TLE7: variants seen among roughly 807,000 people sequenced by gnomAD.
TLE7 encodes TLE family member 7, also known as transducin-like enhancer protein 7.
intron 1 of TLE7, among the ~76,000 whole-genome samples, chr16:71,437,345 T>G (rs1420757728): frequency 1.9e-5 from 2 of 104,296 alleles, no homozygotes; most frequent in African/African-American, 4.3e-5. Flanking sequence ...TGAGACTCTG[T>G]CTCAGAAAAA....
chr16:71,434,627 C>T (rs2042819328), intron 1 of TLE7, among the ~76,000 whole-genome samples: 1 of 152,158 alleles, frequency 6.6e-6, no homozygotes, highest in South Asian at 2.1e-4. Flanking sequence ...GAACTAAATG[C>T]TTTACATAGC....
chr16:71,438,627 A>T (rs1237304413), intron 1 of TLE7, among the ~76,000 whole-genome samples: 1 of 143,594 alleles, frequency 7.0e-6, no homozygotes, highest in Non-Finnish European at 1.5e-5. Context: ...GGTTGCCGTG[A>T]GCCAAGATCG....
In TLE7 at chr16:71,431,671, C is replaced by T. The variant is rs2042804240; in HGVS notation, c.851+90G>A. On this transcript the variant is annotated intron_variant, in intron 6 of 9. Coordinates refer to ENST00000561754, the MANE Select transcript of TLE7 (RefSeq NM_001367365.2). This position sits in a 1 kb window ranked among gnomAD's most constrained non-coding sequence, Gnocchi z 4.5. ...ACCCCAGATATATCTTCTACACTGACTCGCCCAGCCCTAATGCAAAGAGGG... is the reference window on the plus strand; with the variant it reads ...ACCCCAGATATATCTTCTACACTGATTCGCCCAGCCCTAATGCAAAGAGGG... The T allele has an allele frequency of 5.0e-6, 2 of 400,350 alleles. No individual in the cohort carries two copies. Among genetic ancestry groups the T allele is most frequent in the Admixed American group, 8.8e-5 (2 of 22,740 alleles). The allele number at this position is 400,350 out of a possible 1,614,324, so 24.8% of individuals were successfully genotyped here.
chr16:71,439,183 G>T (rs543534437), intron 1 of TLE7, among the ~76,000 whole-genome samples: 1 of 152,194 alleles, frequency 6.6e-6, no homozygotes, highest in Non-Finnish European at 1.5e-5. Context: ...AGTGGAAAGT[G>T]ACATGGTGGA....
At chr16:71,439,438 GA>G (rs1306771147) in intron 1 of TLE7, among the ~76,000 whole-genome samples, 1 of 152,150 alleles carries the variant, frequency 6.6e-6, no homozygotes, top group African/African-American at 2.4e-5. Context: ...TGGAGGCAGG[GA>G]GGGCAGGAAT....
Position 71,431,680 on chromosome 16 carries a change from C to G in TLE7, c.851+81G>C, listed in dbSNP as rs147574351. The stretch of plus-strand genomic sequence containing the variant: ...ATATCTTCTACACTGACTCGCCCAG[C>G]CCTAATGCAAAGAGGGGAAAGAGCC... On this transcript the variant is annotated intron_variant, in intron 6 of 9. Transcript: ENST00000561754. The surrounding 1 kb of genome is among the most constrained non-coding windows in gnomAD (Gnocchi z 4.5). 2.6e-4 allele frequency: 103 copies of G among 400,426 alleles called. No individual in the cohort carries two copies. Among genetic ancestry groups the G allele is most frequent in the African/African-American group, 2.0e-3 (99 of 48,776 alleles). The allele number at this position is 400,426 out of a possible 1,614,324, so 24.8% of individuals were successfully genotyped here. A position where few individuals can be genotyped will look rare whatever the true frequency, so the allele number is the denominator to read the frequency against.
intron 1 of TLE7, among the ~76,000 whole-genome samples, chr16:71,441,255 T>C (rs894393783): frequency 1.3e-5 from 2 of 152,230 alleles, no homozygotes; most frequent in African/African-American, 2.4e-5. Context: ...TTCACTTTTT[T>C]TTGTTGTTGG....
intron 1 of TLE7, among the ~76,000 whole-genome samples, chr16:71,433,934 G>C (rs899226157): frequency 6.6e-6 from 1 of 152,156 alleles, no homozygotes; most frequent in Non-Finnish European, 1.5e-5. Flanking sequence ...CTCCAGCCTG[G>C]TCAACAAAGC....
chr16:71,438,205 G>A (rs1366628954), intron 1 of TLE7, among the ~76,000 whole-genome samples: 1 of 152,094 alleles, frequency 6.6e-6, no homozygotes, highest in Non-Finnish European at 1.5e-5. Context: ...GGCCGAGGCG[G>A]GTGGATCACC....
chr16:71,433,387 AAC>A lies in TLE7; in HGVS notation c.-65_-64del. The A allele has an allele frequency of 2.5e-6, 1 of 398,490 alleles. No individual in the cohort carries two copies. The highest frequency in any genetic ancestry group is 4.4e-6 in the Non-Finnish European group (1 of 226,086). The allele number at this position is 398,490 out of a possible 1,614,324, so 24.7% of individuals were successfully genotyped here. ...TAGGACTTGACAAATAGACCCGCCA[AAC>A]AGACACCAGGTTCCCAGTGTGTCCT... On this transcript the variant is annotated 5_prime_UTR_variant, in exon 2 of 10. Transcript: ENST00000561754.
chr16:71,439,274 G>C (rs552145476), intron 1 of TLE7, among the ~76,000 whole-genome samples: 3 of 152,216 alleles, frequency 2.0e-5, no homozygotes, highest in African/African-American at 4.8e-5. Context: ...TAGGGAGTAC[G>C]TAAGGTCAGA....
At chr16:71,440,379 G>A (rs2042842422) in intron 1 of TLE7, among the ~76,000 whole-genome samples, 1 of 152,212 alleles carries the variant, frequency 6.6e-6, no homozygotes, top group Admixed American at 6.5e-5. Context: ...TCGGGAGGCT[G>A]AGGCAGGAGA....
intron 1 of TLE7, among the ~76,000 whole-genome samples, chr16:71,435,547 A>G (rs59375954): frequency 0.058 from 8,904 of 152,312 alleles, 858 homozygotes; most frequent in African/African-American, 0.2. Context: ...CTTTTATGTA[A>G]AAGAAAAATG....
At chr16:71,436,013 A>C (rs2042824717) in intron 1 of TLE7, among the ~76,000 whole-genome samples, 1 of 152,188 alleles carries the variant, frequency 6.6e-6, no homozygotes, top group Admixed American at 6.5e-5. Flanking sequence ...AGCAGGAGGA[A>C]GAGTCAGTAT....
Position 71,433,215 on chromosome 16 carries a change from G to A in TLE7, c.110C>T (p.Pro37Leu), listed in dbSNP as rs1302557430. 1 of 398,630 alleles carries A rather than the reference G, an allele frequency of 2.5e-6. No individual in the cohort carries two copies. The highest frequency in any genetic ancestry group is 2.1e-5 in the African/African-American group (1 of 48,640). The allele number at this position is 398,630 out of a possible 1,614,324, so 24.7% of individuals were successfully genotyped here. The change falls in exon 2 of 10, where the codon CCA becomes CTA. Residue 37 changes from proline to leucine, a missense_variant. Pro to Leu is a moderately conservative substitution (Grantham distance 98). Transcript: ENST00000561754. ...ACTGCCCAGTTGCTGCTGCACTTGT[G>A]GCTCAGGCTGAGAGGAAACGCCAGA... ...ESSGVSSQPE[P>L]QVQQQLGSLL... is the part of the protein sequence containing the mutation.
At chr16:71,436,397 G>A (rs1182429328) in intron 1 of TLE7, among the ~76,000 whole-genome samples, 8 of 152,136 alleles carry the variant, frequency 5.3e-5, no homozygotes, top group Non-Finnish European at 1.2e-4. Context: ...ATCACCAGAC[G>A]TGGCCACACA....
intron 1 of TLE7, among the ~76,000 whole-genome samples, chr16:71,434,569 C>T (rs2042819131): frequency 6.6e-6 from 1 of 152,206 alleles, no homozygotes; most frequent in Non-Finnish European, 1.5e-5. Context: ...GCTACCTGTC[C>T]TTGGGAAGAT....
intron 8 of TLE7, 37 bp from the exon 9 acceptor site, chr16:71,430,778 A>G (rs748026623): frequency 2.5e-6 from 1 of 398,304 alleles, no homozygotes; most frequent in African/African-American, 2.1e-5. Flanking sequence ...GCCAGAGACC[A>G]ATCCTGCATT....
chr16:71,432,628 G>A, intron 4 of TLE7, 37 bp downstream of exon 4: 1 of 398,806 alleles, frequency 2.5e-6, no homozygotes, highest in Non-Finnish European at 4.4e-6. Flanking sequence ...GGGTAGGTGG[G>A]AAAGGAAGGA....
Sources: gnomAD v4.1 joint callset for allele counts (sites outside exome capture counted in the v4.1 genomes callset) on GRCh38, gnomAD v4.1.1 for gene constraint, Gnocchi (gnomAD v3.1) non-coding constraint, MANE v1.5 for transcripts, NCBI Gene and HGNC (gene_info 2026-07-23, HGNC 2026-07-21) for gene names.